Variants in KCNIP4 observed in about 807,000 individuals in gnomAD.
KCNIP4 encodes Kv channel-interacting protein 4.
Under a neutral mutation model 34.0 loss-of-function variants are expected in KCNIP4, and 12 were observed. That is an observed-to-expected ratio of 0.35 (90% CI 0.23 to 0.57). The LOEUF (loss-of-function observed/expected upper bound fraction) is 0.57. Ranked by LOEUF, KCNIP4 falls within the 20% of genes least tolerant of loss-of-function variation. The pLI is 0.83. For missense variants in KCNIP4, 238 were observed against 311.7 expected, an observed-to-expected ratio of 0.76 and a Z score of 1.78; for synonymous variants, 124 against 102.2, an observed-to-expected ratio of 1.21 and a Z score of -1.29.
chr4:21,016,306 T>C (rs1739539885), intron 1 of KCNIP4, among the ~76,000 whole-genome samples: 1 of 148,048 alleles, frequency 6.8e-6, no homozygotes, highest in Non-Finnish European at 1.5e-5. Flanking sequence ...TCTTTTTTCT[T>C]TTTTTTTTTT....
At chr4:21,168,082 G>C (rs943076904) in intron 1 of KCNIP4, among the ~76,000 whole-genome samples, 1 of 152,246 alleles carries the variant, frequency 6.6e-6, no homozygotes, top group Admixed American at 6.5e-5. Flanking sequence ...TAAATAAAAG[G>C]TGTTTCTAAA....
chr4:20,766,771 C>T (rs952030708), intron 3 of KCNIP4: 4 of 152,120 alleles, frequency 2.6e-5, no homozygotes, highest in African/African-American at 9.7e-5. Context: ...CGTGTCCATA[C>T]AATAGCTGGT....
chr4:21,153,046 T>G (rs563288773), intron 1 of KCNIP4, among the ~76,000 whole-genome samples: 1 of 152,320 alleles, frequency 6.6e-6, no homozygotes, highest in South Asian at 2.1e-4. Flanking sequence ...AACTATTCCT[T>G]ACTTGCTGGA....
At chr4:21,856,072 G>A (rs751653327) in intron 1 of KCNIP4, among the ~76,000 whole-genome samples, 3 of 152,188 alleles carry the variant, frequency 2.0e-5, no homozygotes, top group Non-Finnish European at 4.4e-5. Flanking sequence ...ATAAGGAAAG[G>A]ACAGAAGCTG....
At chr4:21,232,851 A>G (rs1758900070) in intron 1 of KCNIP4, among the ~76,000 whole-genome samples, 1 of 152,176 alleles carries the variant, frequency 6.6e-6, no homozygotes, top group Admixed American at 6.6e-5. Flanking sequence ...CAGAAGTATC[A>G]TATATGAGAT....
At chr4:21,519,360 A>ATGTATGTG (rs1735068757) in intron 1 of KCNIP4, among the ~76,000 whole-genome samples, 1 of 151,076 alleles carries the variant, frequency 6.6e-6, no homozygotes, top group Non-Finnish European at 1.5e-5. Flanking sequence ...ACACACACAC[A>ATGTATGTG]CACACACACA....
chr4:21,419,514 A>G (rs1725267160), intron 1 of KCNIP4, among the ~76,000 whole-genome samples: 1 of 152,150 alleles, frequency 6.6e-6, no homozygotes, highest in African/African-American at 2.4e-5. Flanking sequence ...ATAAATAATA[A>G]TATCAATTAT....
At chr4:21,867,730 A>T (rs1010275668) in intron 1 of KCNIP4, among the ~76,000 whole-genome samples, 1 of 152,238 alleles carries the variant, frequency 6.6e-6, no homozygotes, top group African/African-American at 2.4e-5. Flanking sequence ...TCTAAACCAC[A>T]GAAACAATAG....
chr4:20,826,632 G>C (rs879312882), intron 3 of KCNIP4, among the ~76,000 whole-genome samples: 8 of 151,950 alleles, frequency 5.3e-5, no homozygotes, highest in Non-Finnish European at 1.0e-4. Context: ...ATACAAAAGA[G>C]AGAGTGATGG....
intron 5 of KCNIP4, among the ~76,000 whole-genome samples, chr4:20,744,850 T>G (rs1370197189): frequency 6.6e-6 from 1 of 152,190 alleles, no homozygotes; most frequent in Non-Finnish European, 1.5e-5. Flanking sequence ...CTAGCCCTAG[T>G]AGGTCCCAAA....
At chr4:21,307,418 G>T (rs1207096751) in intron 1 of KCNIP4, among the ~76,000 whole-genome samples, 4 of 151,982 alleles carry the variant, frequency 2.6e-5, no homozygotes, top group Non-Finnish European at 5.9e-5. Context: ...CCCTCACCTG[G>T]CCCTGGAATC....
intron 1 of KCNIP4, among the ~76,000 whole-genome samples, chr4:21,600,958 C>T (rs1743078283): frequency 6.6e-6 from 1 of 151,988 alleles, no homozygotes; most frequent in Non-Finnish European, 1.5e-5. Flanking sequence ...ACCTGATCCC[C>T]TTTTGTCATT....
intron 1 of KCNIP4, among the ~76,000 whole-genome samples, chr4:20,987,950 G>A (rs1203251998): frequency 7.6e-6 from 1 of 131,076 alleles, no homozygotes; most frequent in African/African-American, 3.0e-5. Context: ...GCAGTGAGCC[G>A]AGATCGCACC....
chr4:20,998,442 A>G (rs1016878104), intron 1 of KCNIP4, among the ~76,000 whole-genome samples: 1 of 152,202 alleles, frequency 6.6e-6, no homozygotes, highest in Admixed American at 6.5e-5. Flanking sequence ...AAAGATTTCA[A>G]CCATAACATG....
At chr4:21,510,026 G>A (rs374022779) in intron 1 of KCNIP4, among the ~76,000 whole-genome samples, 47 of 138,104 alleles carry the variant, frequency 3.4e-4, no homozygotes, top group African/African-American at 1.2e-3. Context: ...GCAGCAAGCC[G>A]AGATCGCACC....
intron 1 of KCNIP4, among the ~76,000 whole-genome samples, chr4:21,437,828 T>C (rs1191607171): frequency 1.3e-5 from 2 of 151,978 alleles, no homozygotes; most frequent in Non-Finnish European, 2.9e-5. Context: ...CTAAAGTGAT[T>C]AGCCAACATG....
intron 1 of KCNIP4, among the ~76,000 whole-genome samples, chr4:21,577,698 C>T (rs1740851124): frequency 6.6e-6 from 1 of 152,086 alleles, no homozygotes; most frequent in Non-Finnish European, 1.5e-5. Flanking sequence ...TTCTTTGGTG[C>T]CTCTATGCCG....
chr4:21,471,041 C>T (rs1730427038), intron 1 of KCNIP4, among the ~76,000 whole-genome samples: 1 of 152,122 alleles, frequency 6.6e-6, no homozygotes, highest in Admixed American at 6.6e-5. Context: ...CCTCCAGGCT[C>T]ACAAAATAGG....
chr4:20,882,619 G>A lies in KCNIP4; in HGVS notation c.152C>T (p.Pro51Leu). The part of the protein sequence containing the change: ...LPCSAAKTSS[P>L]AIQNSVEDEL... Reference sequence around the variant, plus strand: ...AAAAACAAACTTGCTTTGAATAGCAGGAGACGACGTTTTGGCAGCTGAGCA... The same window carrying A: ...AAAAACAAACTTGCTTTGAATAGCAAGAGACGACGTTTTGGCAGCTGAGCA... Residue 51 changes from proline to leucine, a missense_variant, in exon 2 of 9, where the codon CCT (proline) becomes CTT (leucine). Physicochemically the swap from Pro to Leu is moderately conservative, Grantham distance 98. Transcript: ENST00000382152. The A allele has an allele frequency of 1.2e-6, 2 of 1,612,842 alleles. No individual in the cohort carries two copies. Among genetic ancestry groups the A allele is most frequent in the Non-Finnish European group, 1.7e-6 (2 of 1,179,188 alleles).
Sources: gnomAD v4.1 joint callset for allele counts (sites outside exome capture counted in the v4.1 genomes callset) on GRCh38, gnomAD v4.1.1 for gene constraint, MANE v1.5 for transcripts, NCBI Gene and HGNC (gene_info 2026-07-23, HGNC 2026-07-21) for gene names.